IL18R1: variants seen among roughly 807,000 people sequenced by gnomAD.
The protein encoded by IL18R1 is interleukin 18 receptor 1, also known as interleukin-18 receptor 1.
In IL18R1, 40 loss-of-function variants were observed where a neutral mutation model predicts 48.5. The ratio of observed to expected loss-of-function variants is 0.82; its 90% confidence interval spans 0.64 to 1.07. IL18R1 has a LOEUF of 1.07. Ranked by LOEUF, IL18R1 falls within the 50% of genes least tolerant of loss-of-function variation. The pLI is 0.00. For synonymous variants in IL18R1, 232 were observed against 225.9 expected, an observed-to-expected ratio of 1.03 and a Z score of -0.24; for missense variants, 596 against 633.7, an observed-to-expected ratio of 0.94 and a Z score of 0.64.
intron 6 of IL18R1, among the ~76,000 whole-genome samples, chr2:102,384,535 A>AT (rs1042495933): frequency 1.3e-5 from 2 of 152,000 alleles, no homozygotes; most frequent in African/African-American, 2.4e-5. Context: ...GCTTAATTTA[A>AT]TTTTTTTGTG....
chr2:102,396,927 C>G lies in IL18R1; in HGVS notation c.*41C>G, dbSNP rs761247978. ...AACGCCAAAAAGAACTCAAGATATT[C>G]TGGGGACTGAGCATATGAACCTGTT... On this transcript the variant is annotated 3_prime_UTR_variant, in exon 11 of 11. Transcript: ENST00000233957. 4.8e-6 allele frequency: 6 copies of G among 1,254,628 alleles called. No individual in the cohort carries two copies. The highest frequency in any genetic ancestry group is 4.5e-6 in the Non-Finnish European group (4 of 891,412). 77.7% of individuals were successfully genotyped at this position (1,254,628 alleles called of 1,614,324 possible).
intron 1 of IL18R1, among the ~76,000 whole-genome samples, chr2:102,362,151 G>A (rs1409273650): frequency 6.6e-6 from 1 of 152,214 alleles, no homozygotes; most frequent in African/African-American, 2.4e-5. Context: ...CCTACGTTCT[G>A]AAGGAGGAAG....
intron 3 of IL18R1, among the ~76,000 whole-genome samples, chr2:102,371,563 C>T (rs2105061339): frequency 6.6e-6 from 1 of 152,186 alleles, no homozygotes; most frequent in East Asian, 1.9e-4. Flanking sequence ...GTTTATAGAC[C>T]TTTTGAAACC....
In IL18R1 at chr2:102,363,482, A is replaced by T. The variant is rs967183715; in HGVS notation, c.58+764A>T. ...TCCATTTATTATTGAGATCCCTGCA[A>T]TGGAACCCTACCCAGATGATAAAAG... is the stretch of plus-strand genomic sequence containing the variant. On this transcript the variant is annotated intron_variant, in intron 2 of 10. Coordinates refer to ENST00000233957, the MANE Select transcript of IL18R1 (RefSeq NM_003855.5). 5.9e-5 allele frequency among the ~76,000 whole-genome samples: 9 copies of T among 152,314 alleles called. No homozygotes were observed. In the East Asian group the frequency reaches 1.2e-3, roughly 20 times the overall value.
chr2:102,362,876 A>T (rs1342095392), intron 2 of IL18R1, 158 bp downstream of exon 2: 2 of 425,820 alleles, frequency 4.7e-6, no homozygotes, highest in Non-Finnish European at 8.4e-6. Context: ...AGAGTGAAAA[A>T]CTTGCATCTT....
intron 10 of IL18R1, 71 bp downstream of exon 10, chr2:102,394,698 A>G: frequency 1.5e-6 from 2 of 1,340,136 alleles, no homozygotes; most frequent in East Asian, 2.4e-5. Flanking sequence ...GCTAGCCCCC[A>G]GAGAGCTATC....
At chr2:102,396,486 C>A in intron 10 of IL18R1, 45 bp from the exon 11 acceptor site, 1 of 1,143,542 alleles carries the variant, frequency 8.7e-7, no homozygotes, top group Non-Finnish European at 1.3e-6. Context: ...TCATGTTCCC[C>A]CTTTCAGTTA....
At chr2:102,381,909 G>T (rs550372992) in intron 6 of IL18R1, among the ~76,000 whole-genome samples, 1 of 152,074 alleles carries the variant, frequency 6.6e-6, no homozygotes, top group Non-Finnish European at 1.5e-5. Context: ...ACTGCCTGTG[G>T]TCTGTAGACT....
chr2:102,367,701 C>T (rs1042322947), intron 2 of IL18R1, 124 bp from the exon 3 acceptor site: 7 of 781,848 alleles, frequency 9.0e-6, no homozygotes, highest in South Asian at 3.9e-5. Flanking sequence ...AAATTGACAC[C>T]GAGATTTCTC....
intron 5 of IL18R1, among the ~76,000 whole-genome samples, chr2:102,377,126 C>A (rs1244683050): frequency 6.6e-6 from 1 of 152,160 alleles, no homozygotes; most frequent in Admixed American, 6.5e-5. Context: ...TCTGTGGGCT[C>A]ACATTTGCTA....
chr2:102,362,639 C>T lies in IL18R1; in HGVS notation c.-22C>T, dbSNP rs767529901. On this transcript the variant is annotated 5_prime_UTR_variant, in exon 2 of 11. Coordinates refer to ENST00000233957, the MANE Select transcript of IL18R1 (RefSeq NM_003855.5). ...GTTTTATTCTGTTTTCCAGAGAAGC[C>T]ATTTGAAGCAGAATCCAAACCATGA... is the stretch of plus-strand genomic sequence containing the variant. 3 of 1,594,340 alleles carry T rather than the reference C, an allele frequency of 1.9e-6. No homozygotes were observed. The highest frequency in any genetic ancestry group is 2.6e-6 in the Non-Finnish European group (3 of 1,172,836).
chr2:102,358,684 G>GT (rs1255453371), intron 1 of IL18R1, among the ~76,000 whole-genome samples: 1 of 152,162 alleles, frequency 6.6e-6, no homozygotes, highest in Non-Finnish European at 1.5e-5. Flanking sequence ...TGCCCAGTCT[G>GT]TCCTCCAGAC....
intron 3 of IL18R1, among the ~76,000 whole-genome samples, chr2:102,369,358 G>T (rs1266801450): frequency 6.6e-6 from 1 of 152,240 alleles, no homozygotes; most frequent in African/African-American, 2.4e-5. Flanking sequence ...GATACGGGTA[G>T]TAGAGAATAC....
intron 2 of IL18R1, among the ~76,000 whole-genome samples, chr2:102,365,015 A>T (rs1485309994): frequency 6.6e-6 from 1 of 152,094 alleles, no homozygotes; most frequent in Non-Finnish European, 1.5e-5. Flanking sequence ...ATTCAAGATG[A>T]TTTGGGTTGG....
chr2:102,387,689 A>G (rs114554591), intron 8 of IL18R1, among the ~76,000 whole-genome samples: 1 of 152,136 alleles, frequency 6.6e-6, no homozygotes, highest in African/African-American at 2.4e-5. Context: ...TCCACCATCA[A>G]CTCCCTGGAT....
At chr2:102,357,968 C>T (rs912149557) in intron 1 of IL18R1, among the ~76,000 whole-genome samples, 2 of 151,708 alleles carry the variant, frequency 1.3e-5, no homozygotes, top group South Asian at 2.1e-4. Flanking sequence ...CTGAGTAAAA[C>T]GACTATGCAT....
At position 102,368,671 on chromosome 2, in the gene IL18R1, G is replaced by A. The variant is rs13408563; in HGVS notation, c.302+603G>A. ...GGCCCTAGATTGTGCCAGAATACTCGAAATTGGGTTGCATAACTTCCATGA... is the reference window on the plus strand; with the variant it reads ...GGCCCTAGATTGTGCCAGAATACTCAAAATTGGGTTGCATAACTTCCATGA... On this transcript the variant is annotated intron_variant, in intron 3 of 10. Coordinates refer to ENST00000233957, the MANE Select transcript of IL18R1 (RefSeq NM_003855.5). Among the ~76,000 whole-genome samples the A allele has an allele frequency of 5.4e-3, 821 of 152,256 alleles. 18 individuals carry two copies. Among genetic ancestry groups the A allele is most frequent in the African/African-American group, 0.019 (784 of 41,544 alleles).
chr2:102,381,319 ATTTTGCATGGTTTGAC>A (rs1223297153), intron 5 of IL18R1, among the ~76,000 whole-genome samples: 2 of 152,194 alleles, frequency 1.3e-5, no homozygotes, highest in Non-Finnish European at 2.9e-5. Flanking sequence ...CTTCCCAGTG[ATTTTGCATGGTTTGAC>A]TCTTGCACGT....
At chr2:102,386,815 G>T in intron 7 of IL18R1, 46 bp from the exon 8 acceptor site, 1 of 1,599,196 alleles carries the variant, frequency 6.3e-7, no homozygotes, top group South Asian at 1.1e-5. Flanking sequence ...CCCCTCTCAA[G>T]GGTAACGAAC....
Sources: gnomAD v4.1 joint callset for allele counts (sites outside exome capture counted in the v4.1 genomes callset) on GRCh38, gnomAD v4.1.1 for gene constraint, MANE v1.5 for transcripts, NCBI Gene and HGNC (gene_info 2026-07-23, HGNC 2026-07-21) for gene names.